The following FHOD3 variants were observed in gnomAD, a reference collection of about 807,000 sequenced individuals.
The protein encoded by FHOD3 is formin homology 2 domain containing 3, also known as FH1/FH2 domain-containing protein 3.
Under a neutral mutation model 173.0 loss-of-function variants are expected in FHOD3, and 90 were observed. The ratio of observed to expected loss-of-function variants is 0.52; its 90% CI spans 0.44 to 0.62. FHOD3 has a LOEUF of 0.62. Among genes scored for constraint, FHOD3 ranks in the 20% least tolerant of loss-of-function variants. FHOD3 has a pLI of 0.00. For synonymous variants in FHOD3, 828 were observed against 823.0 expected, an observed-to-expected ratio of 1.01 and a Z score of -0.10; for missense variants, 1,945 against 2,034.7, an observed-to-expected ratio of 0.96 and a Z score of 0.85.
rs550234529 is a variant in FHOD3, at chr18:36,680,556, C to T, written c.1836-880C>T. Among the ~76,000 whole-genome samples, 20 of 152,260 alleles carry T rather than the reference C, an allele frequency of 1.3e-4. No individual in the cohort carries two copies. The South Asian group carries it at 2.5e-3, about 19-fold the overall frequency. ...CTAACCCCTTTCCTTATATGTCATA[C>T]GGTTACTTGATTTTCTCTTCTCCCA... On this transcript the variant is annotated intron_variant, in intron 14 of 28. Coordinates refer to ENST00000590592, the MANE Select transcript of FHOD3 (RefSeq NM_001281740.3).
At chr18:36,721,150 T>C (rs1015488022) in intron 19 of FHOD3, among the ~76,000 whole-genome samples, 1 of 152,118 alleles carries the variant, frequency 6.6e-6, no homozygotes, top group African/African-American at 2.4e-5. Context: ...AATAGACAAA[T>C]GTTTGCATAG....
At chr18:36,766,309 C>G (rs1396106256) in intron 27 of FHOD3, among the ~76,000 whole-genome samples, 1 of 152,140 alleles carries the variant, frequency 6.6e-6, no homozygotes, top group South Asian at 2.1e-4. Context: ...CTTGTAGACT[C>G]TTTCTTTAGG....
At position 36,603,797 on chromosome 18, in the gene FHOD3, C is replaced by T. The variant is rs927353698; in HGVS notation, c.813+1029C>T. On this transcript the variant is annotated intron_variant, in intron 8 of 28. Transcript: ENST00000590592. ...GGGATTACAGGCGTGAGCCACTGTG[C>T]CTGGCCAAAATTATTTTTTAAAATC... is the stretch of plus-strand genomic sequence containing the variant. 8.5e-5 allele frequency among the ~76,000 whole-genome samples: 13 copies of T among 152,150 alleles called. 1 individual carries two copies. The South Asian group carries it at 1.0e-3, about 12-fold the overall frequency.
intron 1 of FHOD3, among the ~76,000 whole-genome samples, chr18:36,303,038 G>T (rs2091995618): frequency 6.6e-6 from 1 of 152,180 alleles, no homozygotes; most frequent in African/African-American, 2.4e-5. Context: ...CAACGATCTG[G>T]GTTGGAATAG....
At chr18:36,305,143 C>T (rs532783168) in intron 1 of FHOD3, among the ~76,000 whole-genome samples, 1 of 152,126 alleles carries the variant, frequency 6.6e-6, no homozygotes. Context: ...AAAAAATTAT[C>T]ACCAATCTGC....
intron 6 of FHOD3, among the ~76,000 whole-genome samples, chr18:36,579,179 C>T (rs1187872495): frequency 6.6e-6 from 1 of 152,150 alleles, no homozygotes; most frequent in East Asian, 1.9e-4. Context: ...GCTCCCTCCC[C>T]AAGGCACTCT....
At chr18:36,738,809 A>G (rs2041767182) in intron 20 of FHOD3, among the ~76,000 whole-genome samples, 1 of 152,236 alleles carries the variant, frequency 6.6e-6, no homozygotes, top group South Asian at 2.1e-4. Context: ...CCTTGTACCA[A>G]TGACACATTG....
chr18:36,505,068 G>A (rs1313469753), intron 4 of FHOD3, among the ~76,000 whole-genome samples: 1 of 152,184 alleles, frequency 6.6e-6, no homozygotes, highest in East Asian at 1.9e-4. Flanking sequence ...CAATAAAATG[G>A]CATGTGTGCA....
At chr18:36,474,093 G>A (rs1318340077) in intron 3 of FHOD3, among the ~76,000 whole-genome samples, 1 of 152,166 alleles carries the variant, frequency 6.6e-6, no homozygotes, top group African/African-American at 2.4e-5. Flanking sequence ...GTTTAAGTTG[G>A]AATTTAGAAA....
intron 16 of FHOD3, among the ~76,000 whole-genome samples, chr18:36,687,829 C>T (rs11663887): frequency 0.17 from 26,038 of 152,080 alleles, 2,364 homozygotes; most frequent in Non-Finnish European, 0.19. Context: ...AAAACTACTT[C>T]ATTTATGGTA....
intron 6 of FHOD3, among the ~76,000 whole-genome samples, chr18:36,590,253 A>G (rs1038479680): frequency 6.6e-6 from 1 of 152,190 alleles, no homozygotes; most frequent in Non-Finnish European, 1.5e-5. Flanking sequence ...TGGGATGAGC[A>G]GTGTCTTTGG....
At chr18:36,562,030 T>TGTATTGTATTGTA (rs1599665660) in intron 5 of FHOD3, among the ~76,000 whole-genome samples, 4 of 149,258 alleles carry the variant, frequency 2.7e-5, no homozygotes, top group South Asian at 2.1e-4. Flanking sequence ...TGTATTGTAT[T>TGTATTGTATTGTA]TTTTGAGATG....
chr18:36,614,824 G>A (rs532691119), intron 9 of FHOD3, among the ~76,000 whole-genome samples: 1 of 140,450 alleles, frequency 7.1e-6, no homozygotes, highest in Non-Finnish European at 1.6e-5. Context: ...CCGATCCTTT[G>A]CTCATTTTTT....
chr18:36,380,543 C>CTTTCTTTTCTTTTCTTTTCT (rs1157752890), intron 3 of FHOD3, among the ~76,000 whole-genome samples: 2 of 119,482 alleles, frequency 1.7e-5, no homozygotes, highest in African/African-American at 6.9e-5. Context: ...CTTTCTCTCT[C>CTTTCTTTTCTTTTCTTTTCT]TTTCTTTTGT....
chr18:36,746,913 A>G (rs780987905), intron 23 of FHOD3, 32 bp from the exon 24 acceptor site: 8 of 1,532,752 alleles, frequency 5.2e-6, no homozygotes, highest in Non-Finnish European at 7.0e-6. Context: ...CGGCGGTTTC[A>G]GTGTTTGCAG....
chr18:36,590,794 G>A (rs1432494226), intron 6 of FHOD3, among the ~76,000 whole-genome samples: 2 of 152,224 alleles, frequency 1.3e-5, no homozygotes, highest in African/African-American at 4.8e-5. Context: ...AGAAAAAGGA[G>A]GCTTTGCTAG....
chr18:36,697,196 G>A (rs1330348260), intron 17 of FHOD3, among the ~76,000 whole-genome samples: 2 of 152,168 alleles, frequency 1.3e-5, no homozygotes, highest in African/African-American at 4.8e-5. Context: ...CCTATTTCAT[G>A]GAAACAGAAT....
intron 10 of FHOD3, among the ~76,000 whole-genome samples, chr18:36,635,139 G>A (rs74622452): frequency 0.026 from 3,895 of 152,258 alleles, 177 homozygotes; most frequent in African/African-American, 0.09. Flanking sequence ...GGCTGGGAGA[G>A]TGGGCTTGGA....
At chr18:36,559,469 T>C (rs2058014310) in intron 5 of FHOD3, among the ~76,000 whole-genome samples, 2 of 152,202 alleles carry the variant, frequency 1.3e-5, no homozygotes, top group African/African-American at 4.8e-5. Context: ...TTCATTTGCA[T>C]GTGATTATTG....
Sources: allele counts gnomAD v4.1 joint callset (sites outside exome capture counted in the v4.1 genomes callset), GRCh38; gene constraint gnomAD v4.1.1; transcripts MANE v1.5; gene names NCBI Gene and HGNC (gene_info 2026-07-23, HGNC 2026-07-21).